The following XRCC4 variants were observed in gnomAD, a reference collection of about 807,000 sequenced individuals.
XRCC4 encodes the protein X-ray repair cross complementing 4.
XRCC4 carries 28 observed loss-of-function variants against 39.1 expected under a neutral mutation model. That is an observed-to-expected ratio of 0.72 (90% confidence interval 0.53 to 0.98). XRCC4 has a LOEUF of 0.98. Among genes scored for constraint, XRCC4 ranks in the 50% least tolerant of loss-of-function variants. The pLI is 0.00. For missense variants in XRCC4, 350 were observed against 376.4 expected (o/e 0.93, Z 0.58); for synonymous variants, 123 against 126.4 (o/e 0.97, Z 0.18).
chr5:83,145,005 C>G (rs1182681872), intron 3 of XRCC4, among the ~76,000 whole-genome samples: 6 of 152,112 alleles, frequency 3.9e-5, no homozygotes, highest in Non-Finnish European at 8.8e-5. Flanking sequence ...ATGCCATTCT[C>G]CTGCCTCAGC....
Position 83,111,081 on chromosome 5 carries a change from A to G in XRCC4, c.193A>G (p.Lys65Glu). Reference protein sequence around the residue: ...EADDMAMEKGKYVGELRKALL... With the variant: ...EADDMAMEKGEYVGELRKALL... ...TGATGACATGGCAATGGAAAAAGGG[A>G]AATATGTTGGTGAACTGAGAAAAGC... The change falls in exon 3 of 8, where the codon AAA becomes GAA. Residue 65 changes from lysine (K) to glutamate (E), a missense_variant. Lys to Glu is a moderately conservative substitution (Grantham distance 56). Transcript: ENST00000396027. The G allele has an allele frequency of 6.2e-7, 1 of 1,612,086 alleles. No homozygotes were observed. Among genetic ancestry groups the G allele is most frequent in the South Asian group, 1.1e-5 (1 of 90,816 alleles).
intron 7 of XRCC4, among the ~76,000 whole-genome samples, chr5:83,281,069 C>G (rs1754519385): frequency 6.6e-6 from 1 of 152,192 alleles, no homozygotes; most frequent in Non-Finnish European, 1.5e-5. Context: ...GCATTCCACT[C>G]AAAAGACATC....
chr5:83,355,462 C>T (rs1757179647), downstream of XRCC4, among the ~76,000 whole-genome samples: 1 of 152,110 alleles, frequency 6.6e-6, no homozygotes, highest in Admixed American at 6.5e-5. Flanking sequence ...TGAAAGAATG[C>T]ATGTTTATCA....
At chr5:83,327,763 C>G (rs1471065636) in intron 7 of XRCC4, among the ~76,000 whole-genome samples, 1 of 152,028 alleles carries the variant, frequency 6.6e-6, no homozygotes, top group Non-Finnish European at 1.5e-5. Context: ...AAATTCAGCA[C>G]TCAGACATAA....
chr5:83,293,444 C>A (rs986874175), intron 7 of XRCC4, among the ~76,000 whole-genome samples: 5 of 151,720 alleles, frequency 3.3e-5, no homozygotes, highest in Non-Finnish European at 5.9e-5. Context: ...CTTTTTCTTT[C>A]TTTTTTCTTT....
intron 3 of XRCC4, among the ~76,000 whole-genome samples, chr5:83,141,013 A>T (rs534459029): frequency 6.6e-6 from 1 of 152,316 alleles, no homozygotes; most frequent in Admixed American, 6.5e-5. Context: ...TGTACAAATG[A>T]GTATGCACAT....
intron 6 of XRCC4, among the ~76,000 whole-genome samples, chr5:83,231,968 G>A (rs1311884515): frequency 6.6e-6 from 1 of 151,820 alleles, no homozygotes; most frequent in Non-Finnish European, 1.5e-5. Flanking sequence ...TGTGTAATAC[G>A]GTGTTTTTAA....
chr5:83,279,632 T>G (rs1271861797), intron 7 of XRCC4, among the ~76,000 whole-genome samples: 1 of 152,186 alleles, frequency 6.6e-6, no homozygotes, highest in African/African-American at 2.4e-5. Context: ...CTCTTTCAGG[T>G]AGTTGATAAT....
At chr5:83,174,895 AT>A (rs35055168) in intron 3 of XRCC4, among the ~76,000 whole-genome samples, 51,030 of 152,042 alleles carry the variant, frequency 0.34, 9,392 homozygotes, top group Non-Finnish European at 0.42. Flanking sequence ...GTTTGTATTA[AT>A]TTTTATGAAA....
chr5:83,310,316 C>T (rs1755660970), intron 7 of XRCC4, among the ~76,000 whole-genome samples: 1 of 152,092 alleles, frequency 6.6e-6, no homozygotes, highest in Admixed American at 6.6e-5. Context: ...GGATCTACTC[C>T]ATGTGTTTAC....
chr5:83,321,013 A>AT (rs1415527871), intron 7 of XRCC4, among the ~76,000 whole-genome samples: 2 of 151,780 alleles, frequency 1.3e-5, no homozygotes, highest in Non-Finnish European at 2.9e-5. Flanking sequence ...GTTTCACCAC[A>AT]TTGGCCAGGC....
chr5:83,338,871 C>T (rs1286166428), intron 7 of XRCC4, among the ~76,000 whole-genome samples: 1 of 152,164 alleles, frequency 6.6e-6, no homozygotes, highest in East Asian at 1.9e-4. Context: ...TTTTAAATAG[C>T]ATTTGAAATT....
intron 6 of XRCC4, among the ~76,000 whole-genome samples, chr5:83,207,353 C>T (rs1751460509): frequency 1.3e-5 from 2 of 151,984 alleles, no homozygotes; most frequent in South Asian, 4.1e-4. Context: ...TGGCAAAATT[C>T]TCCTTTCTCT....
intron 1 of XRCC4, among the ~76,000 whole-genome samples, chr5:83,094,563 A>G (rs1264617647): frequency 6.6e-6 from 1 of 151,270 alleles, no homozygotes; most frequent in South Asian, 2.1e-4. Context: ...TAGTCGTTGT[A>G]TTCTTCATCT....
chr5:83,091,545 C>T (rs1745429309), intron 1 of XRCC4, among the ~76,000 whole-genome samples: 1 of 152,132 alleles, frequency 6.6e-6, no homozygotes, highest in Non-Finnish European at 1.5e-5. Context: ...CCTCTGGTAA[C>T]CACCATTCTA....
intron 7 of XRCC4, among the ~76,000 whole-genome samples, chr5:83,297,979 C>G (rs1204368253): frequency 6.6e-6 from 1 of 151,924 alleles, no homozygotes; most frequent in Non-Finnish European, 1.5e-5. Context: ...GTTTAAAATA[C>G]AAACTTTTTC....
intron 3 of XRCC4, among the ~76,000 whole-genome samples, chr5:83,172,988 A>T (rs1749799527): frequency 6.6e-6 from 1 of 152,058 alleles, no homozygotes; most frequent in South Asian, 2.1e-4. Flanking sequence ...AACAACAGTC[A>T]CTGTTTGTTA....
At chr5:83,338,231 A>G (rs1756651306) in intron 7 of XRCC4, among the ~76,000 whole-genome samples, 1 of 152,228 alleles carries the variant, frequency 6.6e-6, no homozygotes, top group Non-Finnish European at 1.5e-5. Context: ...TTTGCCTTGT[A>G]GAAAGATAAC....
intron 3 of XRCC4, among the ~76,000 whole-genome samples, chr5:83,192,531 AAACTC>A (rs1750758876): frequency 6.6e-6 from 1 of 151,824 alleles, no homozygotes; most frequent in Admixed American, 6.6e-5. Context: ...GGCTGGTCTC[AAACTC>A]TTGAGCTCAG....
Sources: allele counts gnomAD v4.1 joint callset (sites outside exome capture counted in the v4.1 genomes callset), GRCh38; gene constraint gnomAD v4.1.1; transcripts MANE v1.5; gene names NCBI Gene and HGNC (gene_info 2026-07-23, HGNC 2026-07-21).